GFRAL: variants seen among roughly 807,000 people sequenced by gnomAD.
GFRAL encodes the protein GDNF family receptor alpha-like.
In GFRAL, 36 loss-of-function variants were observed where a neutral mutation model predicts 45.4. That is an observed-to-expected ratio of 0.79 (90% CI 0.61 to 1.05). The LOEUF is 1.05. GFRAL is among the 50% of genes least tolerant of loss of function. GFRAL has a pLI of 0.00. For synonymous variants in GFRAL, 166 were observed against 154.1 expected (o/e 1.08, Z -0.57); for missense variants, 507 against 467.5 (o/e 1.08, Z -0.78).
chr6:55,369,728 A>G (rs137975385), intron 6 of GFRAL, among the ~76,000 whole-genome samples: 2 of 152,300 alleles, frequency 1.3e-5, no homozygotes, highest in Non-Finnish European at 2.9e-5. Flanking sequence ...TTACATTTTA[A>G]TGAGAAAGTT....
At chr6:55,373,818 A>G (rs1301265587) in intron 6 of GFRAL, among the ~76,000 whole-genome samples, 1 of 151,784 alleles carries the variant, frequency 6.6e-6, no homozygotes, top group Non-Finnish European at 1.5e-5. Flanking sequence ...TGCATGCCAT[A>G]GTGGTTTGCT....
At chr6:55,382,558 C>T (rs1248685830) in intron 6 of GFRAL, among the ~76,000 whole-genome samples, 2 of 151,696 alleles carry the variant, frequency 1.3e-5, no homozygotes, top group African/African-American at 2.4e-5. Flanking sequence ...AAATAGTGCC[C>T]CTTCTTCCAC....
At chr6:55,346,697 A>T (rs1768046539) in intron 3 of GFRAL, among the ~76,000 whole-genome samples, 3 of 152,118 alleles carry the variant, frequency 2.0e-5, no homozygotes, top group Admixed American at 2.0e-4. Flanking sequence ...ATAAAAGTAA[A>T]AGAAAAAAAA....
At chr6:55,396,407 C>A (rs1768825544) in intron 6 of GFRAL, among the ~76,000 whole-genome samples, 1 of 152,016 alleles carries the variant, frequency 6.6e-6, no homozygotes, top group Admixed American at 6.5e-5. Flanking sequence ...ATACTTTTTT[C>A]TTCTGCAAAG....
chr6:55,337,332 T>C lies in GFRAL; in HGVS notation c.316+3388T>C, dbSNP rs560301754. Among the ~76,000 whole-genome samples the C allele has an allele frequency of 1.1e-3, 169 of 152,312 alleles. 2 individuals are homozygous for C. The highest frequency in any genetic ancestry group is 3.9e-3 in the African/African-American group (162 of 41,584). On this transcript the variant is annotated intron_variant, in intron 3 of 8. Transcript: ENST00000340465. ...TGGATTCAACTGCTAATATTTTGTT[T>C]AAAAAACTATGTTCATAAAGTATAT...
At chr6:55,380,142 C>A (rs1430246816) in intron 6 of GFRAL, among the ~76,000 whole-genome samples, 2 of 151,886 alleles carry the variant, frequency 1.3e-5, no homozygotes, top group African/African-American at 2.4e-5. Context: ...GTATGCCCAG[C>A]AATGGGATTG....
intron 6 of GFRAL, among the ~76,000 whole-genome samples, chr6:55,390,564 A>G (rs1042618943): frequency 1.3e-5 from 2 of 152,168 alleles, no homozygotes; most frequent in African/African-American, 4.8e-5. Flanking sequence ...GCCCAATATC[A>G]GTGGAGTAGT....
intron 3 of GFRAL, among the ~76,000 whole-genome samples, chr6:55,340,023 AC>A (rs1767940857): frequency 6.6e-6 from 1 of 152,230 alleles, no homozygotes; most frequent in South Asian, 2.1e-4. Flanking sequence ...TATGGACAAG[AC>A]CTAAAGGAGA....
At chr6:55,400,400 A>T (rs1421120143) in intron 8 of GFRAL, among the ~76,000 whole-genome samples, 1 of 152,144 alleles carries the variant, frequency 6.6e-6, no homozygotes, top group African/African-American at 2.4e-5. Flanking sequence ...TAATTCAGTC[A>T]ACTCTACAAT....
At chr6:55,369,780 A>G in intron 6 of GFRAL, among the ~76,000 whole-genome samples, 1 of 152,214 alleles carries the variant, frequency 6.6e-6, no homozygotes, top group East Asian at 1.9e-4. Flanking sequence ...ATAATATGGA[A>G]CATCTTTTCA....
At chr6:55,354,112 T>A (rs192170176) in intron 5 of GFRAL, among the ~76,000 whole-genome samples, 1 of 152,162 alleles carries the variant, frequency 6.6e-6, no homozygotes, top group Admixed American at 6.6e-5. Flanking sequence ...CTGGAAGCCA[T>A]TAGCATTCAA....
intron 5 of GFRAL, among the ~76,000 whole-genome samples, chr6:55,353,150 A>G (rs192597196): frequency 1.3e-5 from 2 of 152,098 alleles, no homozygotes; most frequent in East Asian, 3.9e-4. Flanking sequence ...GAACAGGCCT[A>G]TATCATATGA....
At chr6:55,358,205 A>G (rs145095089) in intron 5 of GFRAL, among the ~76,000 whole-genome samples, 6 of 152,074 alleles carry the variant, frequency 3.9e-5, no homozygotes, top group Admixed American at 3.9e-4. Context: ...TTTGATGTCA[A>G]CCTATTCAAG....
chr6:55,350,241 C>T (rs563816295), intron 4 of GFRAL, 96 bp downstream of exon 4: 91 of 716,258 alleles, frequency 1.3e-4, no homozygotes, highest in Admixed American at 2.1e-4. Context: ...CAATACAGAA[C>T]AAATCATGTG....
At chr6:55,397,038 C>G (rs1277760717) in intron 6 of GFRAL, among the ~76,000 whole-genome samples, 2 of 151,834 alleles carry the variant, frequency 1.3e-5, no homozygotes, top group Non-Finnish European at 2.9e-5. Context: ...ACCACCATGC[C>G]CAGCTAATCT....
intron 6 of GFRAL, among the ~76,000 whole-genome samples, chr6:55,398,109 A>C (rs530605303): frequency 1.3e-5 from 2 of 152,288 alleles, no homozygotes; most frequent in South Asian, 2.1e-4. Flanking sequence ...TCGACTAAGC[A>C]TGCATTTTTC....
At chr6:55,338,746 AT>A (rs1465211211) in intron 3 of GFRAL, among the ~76,000 whole-genome samples, 2 of 152,172 alleles carry the variant, frequency 1.3e-5, no homozygotes, top group Non-Finnish European at 2.9e-5. Flanking sequence ...AGTGGGGAGC[AT>A]TTGGGGAGCA....
chr6:55,391,900 A>G (rs938492726), intron 6 of GFRAL, among the ~76,000 whole-genome samples: 1 of 152,154 alleles, frequency 6.6e-6, no homozygotes, highest in Non-Finnish European at 1.5e-5. Flanking sequence ...TCTGTTTTAA[A>G]TATATCCTAC....
Position 55,401,275 on chromosome 6 carries a change from G to C in GFRAL, c.1122-515G>C, listed in dbSNP as rs1581764318. 2.0e-5 allele frequency among the ~76,000 whole-genome samples: 3 copies of C among 152,206 alleles called. 1 individual carries two copies. The highest frequency in any genetic ancestry group is 1.5e-5 in the Non-Finnish European group (1 of 68,006). On this transcript the variant is annotated intron_variant, in intron 8 of 8. Coordinates refer to ENST00000340465, the MANE Select transcript of GFRAL (RefSeq NM_207410.2). ...GGAAAACTCCAGGCCCAGGATAAAA[G>C]AGACAAAATTTAAAGCCATCATAAA... is the stretch of plus-strand genomic sequence containing the variant.
Sources: gnomAD v4.1 joint callset for allele counts (sites outside exome capture counted in the v4.1 genomes callset) on GRCh38, gnomAD v4.1.1 for gene constraint, MANE v1.5 for transcripts, NCBI Gene and HGNC (gene_info 2026-07-23, HGNC 2026-07-21) for gene names.